CHCHD5: variants seen among roughly 807,000 people sequenced by gnomAD.
CHCHD5 encodes the protein coiled-coil-helix-coiled-coil-helix domain-containing protein 5.
A neutral mutation model predicts 16.0 loss-of-function variants in CHCHD5; 10 were observed. The observed-to-expected ratio is 0.63, with a 90% CI of 0.39 to 1.06. CHCHD5 has a LOEUF of 1.06. Ranked by LOEUF, CHCHD5 falls within the 50% of genes least tolerant of loss-of-function variation. The pLI is 0.01. For synonymous variants in CHCHD5, 55 were observed against 56.3 expected, an observed-to-expected ratio of 0.98 and a Z score of 0.10; for missense variants, 163 against 153.4, an observed-to-expected ratio of 1.06 and a Z score of -0.33.
At chr2:112,586,963 A>C in intron 3 of CHCHD5, 1 of 170,248 alleles carries the variant, frequency 5.9e-6, no homozygotes, top group Non-Finnish European at 1.3e-5. Flanking sequence ...GTCTAAAATG[A>C]CTCCTTGAGG....
upstream of CHCHD5, chr2:112,584,515 TA>T: frequency 8.5e-7 from 1 of 1,171,872 alleles, no homozygotes; most frequent in Non-Finnish European, 1.3e-6. Flanking sequence ...AGATTAGTCC[TA>T]AAGGGAACGG....
intron 1 of CHCHD5, 108 bp from the exon 2 acceptor site, chr2:112,585,865 TC>T (rs1243221883): frequency 2.3e-5 from 30 of 1,303,984 alleles, no homozygotes; most frequent in Non-Finnish European, 3.1e-5. Flanking sequence ...GCCACTGCAC[TC>T]CAGCCTGGGC....
chr2:112,586,813 T>C, intron 3 of CHCHD5: 1 of 480,366 alleles, frequency 2.1e-6, no homozygotes. Flanking sequence ...TCTTTCTCAC[T>C]ACTCCTCATC....
At chr2:112,588,352 T>G (rs530935412) in intron 3 of CHCHD5, 1 of 152,358 alleles carries the variant, frequency 6.6e-6, no homozygotes, top group East Asian at 1.9e-4. Context: ...TTCCTGGGGA[T>G]GGCATCCCAG....
At chr2:112,586,146 G>T (rs1190971815) in intron 2 of CHCHD5, 32 bp downstream of exon 2, 6 of 1,611,496 alleles carry the variant, frequency 3.7e-6, no homozygotes. Context: ...ACAGTGTGGG[G>T]GGTGGGCAGT....
intron 1 of CHCHD5, 37 bp from the exon 2 acceptor site, chr2:112,585,937 C>A (rs1456039769): frequency 6.3e-7 from 1 of 1,577,894 alleles, no homozygotes; most frequent in Admixed American, 1.9e-5. Context: ...TGCTTGCCTA[C>A]TGCCTGGAAT....
intron 1 of CHCHD5, chr2:112,584,998 C>T: frequency 5.9e-6 from 2 of 336,446 alleles, no homozygotes; most frequent in Non-Finnish European, 5.6e-6. Context: ...CCTCAGAGCT[C>T]CAGGTTCCTC....
intron 3 of CHCHD5, chr2:112,586,839 G>A (rs1292072815): frequency 7.0e-6 from 3 of 430,050 alleles, no homozygotes; most frequent in Non-Finnish European, 8.3e-6. Flanking sequence ...CTGCAGAGGG[G>A]CTGGGCTGGG....
rs1558673047 is a variant in CHCHD5 at position 112,586,319 on chromosome 2, A to C, written c.263A>C (p.Gln88Pro). 1 of 1,614,266 alleles carries C rather than the reference A, an allele frequency of 6.2e-7. No individual in the cohort carries two copies. The highest frequency in any genetic ancestry group is 8.5e-7 in the Non-Finnish European group (1 of 1,180,044). ...NCAEHMRRFL[Q>P]CAEQVQPPRS... ...GCAGAGCATATGCGCCGCTTCCTGC[A>C]GTGCGCTGAGCAGGTGCAGCCGCCA... Residue 88 changes from glutamine (Q) to proline (P), a missense_variant, in exon 3 of 4, where the codon CAG (glutamine) becomes CCG (proline). Physicochemically the swap from Gln to Pro is moderately conservative, Grantham distance 76. Transcript: ENST00000324913.
chr2:112,588,059 G>C (rs1685273988), intron 3 of CHCHD5: 1 of 152,280 alleles, frequency 6.6e-6, no homozygotes, highest in Non-Finnish European at 1.5e-5. Context: ...GGAGGCCGAG[G>C]TGGGTGGATC....
rs767574663 is a variant in CHCHD5 at position 112,586,098 on chromosome 2, C to T, written c.127C>T (p.Gln43Ter). ...TCACTACCTTAAGATGAGCATTGCC[C>T]AGTGCACATCCTCCCAGTGAGTGCG... ...DCHYLKMSIA[Q>*]CTSSHPIIRQ... The change falls in exon 2 of 4, where the codon CAG (glutamine) becomes TAG (stop). Residue 43 changes from glutamine to a stop codon, truncating the protein, a stop_gained. Coordinates refer to ENST00000324913, the MANE Select transcript of CHCHD5 (RefSeq NM_032309.4). LOFTEE classifies it high-confidence loss of function. 45 of 1,614,062 alleles carry T rather than the reference C, an allele frequency of 2.8e-5. No individual in the cohort carries two copies. The highest frequency in any genetic ancestry group is 3.8e-5 in the Non-Finnish European group (45 of 1,179,996).
At chr2:112,588,420 A>G (rs1467201505) in intron 3 of CHCHD5, 1 of 163,592 alleles carries the variant, frequency 6.1e-6, no homozygotes, top group Non-Finnish European at 1.3e-5. Flanking sequence ...TCTACACAAT[A>G]GCGAACACAA....
intron 1 of CHCHD5, chr2:112,584,983 C>T (rs1574149248): frequency 2.4e-6 from 1 of 421,202 alleles, no homozygotes; most frequent in East Asian, 4.0e-5. Context: ...GACTCCTACA[C>T]CCATCCTCAG....
Position 112,584,661 on chromosome 2 carries a change from G to C in CHCHD5, c.2+12G>C, listed in dbSNP as rs189900042. On this transcript the variant is annotated intron_variant, in intron 1 of 3. Transcript: ENST00000324913. ...AAAGGTCTCGAGATGTGAGTAGTGA[G>C]AGCGCCTACCCCATACGTGCTGCCG... 3 of 1,613,794 alleles carry C rather than the reference G, an allele frequency of 1.9e-6. No individual in the cohort carries two copies. The highest frequency in any genetic ancestry group is 2.7e-5 in the African/African-American group (2 of 74,914).
chr2:112,586,209 C>A lies in CHCHD5; in HGVS notation c.153C>A (p.Ile51=). 1 of 1,609,778 alleles carries A rather than the reference C, an allele frequency of 6.2e-7. No homozygotes were observed. Among genetic ancestry groups the A allele is most frequent in the Non-Finnish European group, 8.5e-7 (1 of 1,176,308 alleles). The stretch of plus-strand genomic sequence containing the variant: ...TGCCCTACCCCCACAGCCCAATCAT[C>A]CGCCAGATCCGCCAGGCCTGTGCTC... ...IAQCTSSHPI[I]RQIRQACAQP... is the part of the protein sequence containing the mutation. The change falls in exon 3 of 4, where the codon ATC becomes ATA. Residue 51 remains isoleucine, a synonymous_variant. Transcript: ENST00000324913.
At chr2:112,585,781 C>A (rs1484916820) in intron 1 of CHCHD5, among the ~76,000 whole-genome samples, 193 bp from the exon 2 acceptor site, 1 of 152,098 alleles carries the variant, frequency 6.6e-6, no homozygotes, top group Non-Finnish European at 1.5e-5. Context: ...GCCTGTGGTC[C>A]CAGCTACTTA....
intron 3 of CHCHD5, chr2:112,586,652 T>A: frequency 7.0e-7 from 1 of 1,429,014 alleles, no homozygotes; most frequent in Non-Finnish European, 9.2e-7. Flanking sequence ...TGGGTGAGCA[T>A]GTAAGGACTG....
At chr2:112,584,606 G>A (rs770156344), upstream of CHCHD5, 1 of 1,611,776 alleles carries the variant, frequency 6.2e-7, no homozygotes, top group African/African-American at 1.3e-5. Flanking sequence ...GAAAAGGCGG[G>A]TCGTTCCCCC....
chr2:112,584,886 C>G, intron 1 of CHCHD5: 1 of 580,310 alleles, frequency 1.7e-6, no homozygotes, highest in East Asian at 2.8e-5. Flanking sequence ...GGTCCAGTCA[C>G]TCTTCACCCA....
Sources: allele counts gnomAD v4.1 joint callset (sites outside exome capture counted in the v4.1 genomes callset), GRCh38; gene constraint gnomAD v4.1.1; transcripts MANE v1.5; gene names NCBI Gene and HGNC (gene_info 2026-07-23, HGNC 2026-07-21).